MAPK6: variants seen among roughly 807,000 people sequenced by gnomAD.
MAPK6 encodes mitogen-activated protein kinase 6.
MAPK6 carries 19 observed loss-of-function variants against 59.3 expected under a neutral mutation model. The observed-to-expected ratio is 0.32, with a 90% CI of 0.22 to 0.47. The LOEUF is 0.47. MAPK6 is among the 20% of genes least tolerant of loss of function. MAPK6 has a pLI of 1.00. For synonymous variants in MAPK6, 316 were observed against 290.3 expected (o/e 1.09, Z -0.90); for missense variants, 724 against 847.9 (o/e 0.85, Z 1.81).
At chr15:52,043,648 A>G (rs1170490278) in intron 1 of MAPK6, among the ~76,000 whole-genome samples, 2 of 151,222 alleles carry the variant, frequency 1.3e-5, no homozygotes, top group Non-Finnish European at 2.9e-5. Flanking sequence ...GCTAGATCAT[A>G]TAACAACATT....
intron 1 of MAPK6, among the ~76,000 whole-genome samples, chr15:51,978,681 A>G (rs1277169542): frequency 6.6e-6 from 1 of 151,760 alleles, no homozygotes; most frequent in African/African-American, 2.4e-5. Flanking sequence ...ACAAAACAAG[A>G]AAAAAACTTT....
At chr15:52,050,688 A>G (rs551447689) in intron 3 of MAPK6, among the ~76,000 whole-genome samples, 2 of 152,338 alleles carry the variant, frequency 1.3e-5, no homozygotes, top group African/African-American at 2.4e-5. Flanking sequence ...TAGAGAAGCT[A>G]TGCATCAGTG....
chr15:52,016,496 GC>G (rs1444540426), upstream of MAPK6, among the ~76,000 whole-genome samples: 1 of 152,098 alleles, frequency 6.6e-6, no homozygotes, highest in Non-Finnish European at 1.5e-5. Context: ...AGAAACTCTT[GC>G]CTAAAAAGGT....
intron 1 of MAPK6, among the ~76,000 whole-genome samples, chr15:52,023,890 G>A (rs1348183460): frequency 6.6e-6 from 1 of 152,190 alleles, no homozygotes; most frequent in Non-Finnish European, 1.5e-5. Context: ...GGGATTACGG[G>A]CATGAGCCAC....
intron 1 of MAPK6, among the ~76,000 whole-genome samples, chr15:52,025,952 C>T (rs1244425508): frequency 2.6e-5 from 4 of 152,116 alleles, no homozygotes; most frequent in Non-Finnish European, 5.9e-5. Flanking sequence ...AGTATGTTGA[C>T]TTAGTTTTTC....
Position 52,065,050 on chromosome 15 carries a change from CTTT to C in MAPK6, c.*55_*57del, listed in dbSNP as rs748273542. 58 of 1,494,654 alleles carry C rather than the reference CTTT, an allele frequency of 3.9e-5. No homozygotes were observed. Among genetic ancestry groups the C allele is most frequent in the African/African-American group, 4.2e-5 (3 of 71,680 alleles). 92.6% of individuals were successfully genotyped at this position (1,494,654 alleles called of 1,614,324 possible). A position where few individuals can be genotyped will look rare whatever the true frequency, so the allele number is the denominator to read the frequency against. ...GTATTCTTCATGAAATGTGTTTTGT[CTTT>C]TTTTATTACTAGTGTTTAAGTCATT... On this transcript the variant is annotated 3_prime_UTR_variant, in exon 6 of 6. Transcript: ENST00000261845.
intron 5 of MAPK6, among the ~76,000 whole-genome samples, chr15:52,062,882 T>TAGAGTCATCA (rs2032258792): frequency 6.7e-6 from 1 of 149,440 alleles, no homozygotes; most frequent in Non-Finnish European, 1.5e-5. Flanking sequence ...TGGTAGCTTA[T>TAGAGTCATCA]AGAGTCATCA....
chr15:52,016,068 GCGCACACACACACACACA>G (rs1420821448), upstream of MAPK6, among the ~76,000 whole-genome samples: 7 of 35,610 alleles, frequency 2.0e-4, no homozygotes, highest in Non-Finnish European at 3.2e-4. Context: ...GCGCGCGCGC[GCGCACACACACACACACA>G]CACACACACA....
At chr15:52,005,763 A>C (rs116708135) in intron 3 of MAPK6, among the ~76,000 whole-genome samples, 2,448 of 152,244 alleles carry the variant, frequency 0.016, 29 homozygotes, top group African/African-American at 0.033. Context: ...CTTGCCTGGA[A>C]TCAAACAACT....
intron 2 of MAPK6, among the ~76,000 whole-genome samples, chr15:52,048,779 C>T (rs1428416639): frequency 6.6e-6 from 1 of 151,136 alleles, no homozygotes. Context: ...TTTAGGAGGC[C>T]GGGGCAGGAG....
rs577756118 is a variant in MAPK6 at position 52,019,406 on chromosome 15, G to C, written c.-632+30G>C. 828 of 149,774 alleles carry C rather than the reference G, an allele frequency of 5.5e-3. 5 individuals are homozygous for C. The highest frequency in any genetic ancestry group is 0.013 in the South Asian group (73 of 5,620). 9.3% of individuals were successfully genotyped at this position (149,774 alleles called of 1,614,324 possible). A position where few individuals can be genotyped will look rare whatever the true frequency, so the allele number is the denominator to read the frequency against. ...GTGTGTGTGTGTACGTGTGCGGGGT[G>C]CGCCGGCGGGGCGGCTCGGGAGGGC... On this transcript the variant is annotated intron_variant, in intron 1 of 5. Transcript: ENST00000261845.
chr15:52,027,370 A>T (rs1188605823), intron 1 of MAPK6, among the ~76,000 whole-genome samples: 1 of 150,348 alleles, frequency 6.7e-6, no homozygotes, highest in African/African-American at 2.4e-5. Context: ...AAAAAAAAAG[A>T]AAATGCCTGT....
intron 3 of MAPK6, among the ~76,000 whole-genome samples, chr15:52,013,000 AAAAAAAAAAAAAAAAAAAAAATATAT>A (rs1325275542): frequency 4.0e-3 from 74 of 18,626 alleles, no homozygotes; most frequent in South Asian, 9.4e-3. Flanking sequence ...AAAAAAAAAA[AAAAAAAAAAAAAAAAAAAAAATATAT>A]ATATATATAT....
At chr15:52,051,124 T>C (rs1200780277) in intron 3 of MAPK6, among the ~76,000 whole-genome samples, 1 of 151,968 alleles carries the variant, frequency 6.6e-6, no homozygotes, top group African/African-American at 2.4e-5. Flanking sequence ...GTGGTGCGAT[T>C]TCTGCTCACT....
intron 1 of MAPK6, among the ~76,000 whole-genome samples, chr15:52,022,120 T>G (rs1279889072): frequency 6.6e-6 from 1 of 152,080 alleles, no homozygotes. Context: ...GGCCAGGAGT[T>G]CAAGACCAGT....
chr15:51,995,449 T>G (rs2057221616), intron 2 of MAPK6, among the ~76,000 whole-genome samples: 1 of 152,212 alleles, frequency 6.6e-6, no homozygotes. Context: ...GGAAGCTCAG[T>G]GGCTTCATCT....
intron 1 of MAPK6, among the ~76,000 whole-genome samples, chr15:51,974,112 T>C (rs964337854): frequency 2.0e-5 from 3 of 151,898 alleles, no homozygotes; most frequent in African/African-American, 7.2e-5. Flanking sequence ...TATTTTATTT[T>C]TAATACTTTT....
At position 52,046,856 on chromosome 15, in the gene MAPK6, C is replaced by T; in HGVS notation, c.396C>T (p.Phe132=). 6.2e-7 allele frequency: 1 copy of T among 1,614,048 alleles called. No homozygotes were observed. Among genetic ancestry groups the T allele is most frequent in the South Asian group, 1.1e-5 (1 of 91,054 alleles). The part of the protein sequence containing the change: ...GPLLEEHARL[F]MYQLLRGLKY... Reference sequence around the variant, plus strand: ...TACTGGAAGAGCATGCCAGGCTTTTCATGTATCAGCTGCTACGGGGGCTCA... The same window carrying T: ...TACTGGAAGAGCATGCCAGGCTTTTTATGTATCAGCTGCTACGGGGGCTCA... The change falls in exon 2 of 6, where the codon TTC becomes TTT. Residue 132 remains phenylalanine (F), a synonymous_variant. Transcript: ENST00000261845.
chr15:52,034,888 C>T (rs1005635261), intron 1 of MAPK6, among the ~76,000 whole-genome samples: 4 of 151,616 alleles, frequency 2.6e-5, no homozygotes, highest in African/African-American at 4.8e-5. Flanking sequence ...AGTAGAAACG[C>T]GGTTTCACCA....
Sources: gnomAD v4.1 joint callset for allele counts (sites outside exome capture counted in the v4.1 genomes callset) on GRCh38, gnomAD v4.1.1 for gene constraint, MANE v1.5 for transcripts, NCBI Gene and HGNC (gene_info 2026-07-23, HGNC 2026-07-21) for gene names.